PAGE1: variants seen among roughly 807,000 people sequenced by gnomAD.
PAGE1 encodes P antigen family member 1.
Under a neutral mutation model 11.5 loss-of-function variants are expected in PAGE1, and 6 were observed. The observed-to-expected ratio is 0.52, with a 90% confidence interval of 0.29 to 1.03. PAGE1 has a LOEUF of 1.03. Ranked by LOEUF, PAGE1 falls within the 50% of genes least tolerant of loss-of-function variation. The pLI is 0.09. For missense variants in PAGE1, 120 were observed against 110.2 expected (o/e 1.09, Z -0.40); for synonymous variants, 42 against 40.2 (o/e 1.05, Z -0.17).
intron 3 of PAGE1, among the ~76,000 whole-genome samples, chrX:49,692,146 GAA>G (rs201192291): frequency 2.9e-5 from 3 of 102,322 alleles, no homozygotes; most frequent in Admixed American, 2.1e-4. Context: ...GACTCCGTCT[GAA>G]AAAAAAAAAT....
chrX:49,695,500 A>G (rs1557142749), intron 1 of PAGE1, among the ~76,000 whole-genome samples: 3 of 107,943 alleles, frequency 2.8e-5, no homozygotes, highest in Non-Finnish European at 1.9e-5. Flanking sequence ...TTCACCACCC[A>G]CCTCCCGCCT....
chrX:49,690,309 A>G (rs192208553), intron 4 of PAGE1, among the ~76,000 whole-genome samples: 56 of 107,988 alleles, frequency 5.2e-4, no homozygotes, highest in African/African-American at 1.8e-3. Context: ...GAAAACAGGA[A>G]AACAGGGTTT....
chrX:49,691,259 C>A lies in PAGE1; in HGVS notation c.282G>T (p.Leu94=), dbSNP rs782050656. The A allele has an allele frequency of 6.6e-6, 8 of 1,210,018 alleles. No homozygotes were observed. The Middle Eastern group carries it at 1.1e-3, about 174-fold the overall frequency. ...VCLRNEEQMK[L]PAEGPEPEAD... Reference sequence around the variant, plus strand: ...TAATGGACTACCTACCTTCTGCGGGCAGTTTCATCTGCTCTTCATTTCGCA... The same window carrying A: ...TAATGGACTACCTACCTTCTGCGGGAAGTTTCATCTGCTCTTCATTTCGCA... The change falls in exon 4 of 6, where the codon CTG becomes CTT. Residue 94 remains leucine (L), a synonymous_variant. Coordinates refer to ENST00000376150, the MANE Select transcript of PAGE1 (RefSeq NM_003785.4).
At chrX:49,689,926 AGGGTG>A (rs1402613871) in intron 4 of PAGE1, among the ~76,000 whole-genome samples, 1 of 22,304 alleles carries the variant, frequency 4.5e-5, no homozygotes, top group East Asian at 1.7e-3. Flanking sequence ...ACACATATAT[AGGGTG>A]TATATATATG....
At position 49,694,261 on chromosome X, in the gene PAGE1, T is replaced by A. The variant is rs7055887; in HGVS notation, c.64-60A>T. ...GACAAAAAGTTTTGTTATTAATACA[T>A]GTCAAAAAATATATACGTATACACA... On this transcript the variant is annotated intron_variant, in intron 2 of 5. Coordinates refer to ENST00000376150, the MANE Select transcript of PAGE1 (RefSeq NM_003785.4). 4.0e-3 allele frequency: 2,454 copies of A among 606,846 alleles called. 38 individuals carry two copies. In the African/African-American group the frequency reaches 0.049, roughly 12 times the overall value. The allele number at this position is 606,846 out of a possible 1,213,427, so 50.0% of individuals were successfully genotyped here. A position where few individuals can be genotyped will look rare whatever the true frequency, so the allele number is the denominator to read the frequency against.
rs2066897236 is a variant in PAGE1, at chrX:49,689,562, AAAAAAAAAAAAAAAT to A, written c.293-34_293-20del. 1 of 185,461 alleles carries A rather than the reference AAAAAAAAAAAAAAAT, an allele frequency of 5.4e-6. No individual in the cohort carries two copies. The highest frequency in any genetic ancestry group is 7.1e-6 in the Non-Finnish European group (1 of 141,830). 15.3% of individuals were successfully genotyped at this position (185,461 alleles called of 1,213,427 possible). ...TCTGGCCCTTAAAAAAAAAAAAAAA[AAAAAAAAAAAAAAAT>A]ATATATATATATATATATATATATA... is the stretch of plus-strand genomic sequence containing the variant. On this transcript the variant is annotated intron_variant, in intron 4 of 5. Coordinates refer to ENST00000376150, the MANE Select transcript of PAGE1 (RefSeq NM_003785.4).
intron 3 of PAGE1, 130 bp from the exon 4 acceptor site, chrX:49,691,504 A>C: frequency 1.9e-6 from 1 of 514,151 alleles, no homozygotes; most frequent in Non-Finnish European, 2.9e-6. Context: ...GTTGATAAGA[A>C]TCCCAAGAAC....
At chrX:49,695,315 A>G (rs1557142730) in intron 1 of PAGE1, among the ~76,000 whole-genome samples, 1 of 112,148 alleles carries the variant, frequency 8.9e-6, no homozygotes, top group Non-Finnish European at 1.9e-5. Flanking sequence ...TGGTTGGGCC[A>G]CACAGCCTCT....
At chrX:49,692,678 T>C (rs1485990924) in intron 3 of PAGE1, among the ~76,000 whole-genome samples, 2 of 111,452 alleles carry the variant, frequency 1.8e-5, no homozygotes, top group Non-Finnish European at 3.8e-5. Flanking sequence ...TTTACCATGG[T>C]AACTAATTTT....
At chrX:49,691,427 TAAGAAA>T in intron 3 of PAGE1, 53 bp from the exon 4 acceptor site, 1 of 1,003,291 alleles carries the variant, frequency 1.0e-6, no homozygotes, top group South Asian at 2.4e-5. Context: ...GAAATATGAA[TAAGAAA>T]ATAATATTCA....
At chrX:49,693,586 C>G (rs1225318100) in intron 3 of PAGE1, among the ~76,000 whole-genome samples, 2 of 111,490 alleles carry the variant, frequency 1.8e-5, no homozygotes, top group African/African-American at 6.5e-5. Flanking sequence ...CTCCAGCTTT[C>G]AACAAACTTA....
chrX:49,693,110 C>T (rs1178522701), intron 3 of PAGE1, among the ~76,000 whole-genome samples: 1 of 111,685 alleles, frequency 9.0e-6, no homozygotes, highest in Non-Finnish European at 1.9e-5. Flanking sequence ...GATTTGAGGA[C>T]TATGGAAAAT....
intron 5 of PAGE1, among the ~76,000 whole-genome samples, chrX:49,689,030 A>G (rs782345878): frequency 9.0e-6 from 1 of 111,690 alleles, no homozygotes; most frequent in South Asian, 3.8e-4. Context: ...CAGTATTGTT[A>G]CCCCTGTGTT....
intron 1 of PAGE1, among the ~76,000 whole-genome samples, chrX:49,695,241 C>A (rs1052630377): frequency 8.9e-6 from 1 of 112,486 alleles, no homozygotes; most frequent in South Asian, 3.7e-4. Flanking sequence ...ATCACAATTC[C>A]CGTGACTGCT....
chrX:49,692,009 C>T (rs550456642), intron 3 of PAGE1, among the ~76,000 whole-genome samples: 224 of 110,285 alleles, frequency 2.0e-3, no homozygotes, highest in Middle Eastern at 0.014. Context: ...TAGGCAGGTG[C>T]GGTGGCCATT....
rs782179765 is a variant in PAGE1 at position 49,694,066 on chromosome X, C to CA, written c.166+32_166+33insT. On this transcript the variant is annotated intron_variant, in intron 3 of 5. Transcript: ENST00000376150. ...CACACACACACACACACACACACACCCCAACAGGCATTCTTCTTCCCTTTC... is the reference window on the plus strand; with the variant it reads ...CACACACACACACACACACACACACCACCAACAGGCATTCTTCTTCCCTTTC... 2.2e-5 allele frequency: 15 copies of CA among 684,862 alleles called. No individual in the cohort carries two copies. The East Asian group carries it at 6.1e-4, about 28-fold the overall frequency. 56.4% of individuals were successfully genotyped at this position (684,862 alleles called of 1,213,427 possible).
intron 5 of PAGE1, among the ~76,000 whole-genome samples, chrX:49,688,491 G>A (rs1473547603): frequency 2.7e-5 from 3 of 111,092 alleles, no homozygotes; most frequent in South Asian, 3.9e-4. Context: ...CAGAGTGCCC[G>A]CTCCCTTTCT....
At chrX:49,695,495 C>A (rs782441948) in intron 1 of PAGE1, among the ~76,000 whole-genome samples, 2 of 111,558 alleles carry the variant, frequency 1.8e-5, no homozygotes, top group Non-Finnish European at 3.8e-5. Flanking sequence ...CCATCTTCAC[C>A]ACCCACCTCC....
At chrX:49,689,384 AC>A in intron 5 of PAGE1, 33 bp downstream of exon 5, 5 of 1,020,100 alleles carry the variant, frequency 4.9e-6, no homozygotes, top group Non-Finnish European at 5.1e-6. Flanking sequence ...GGAAACAGAC[AC>A]CCTACAATTT....
Sources: allele counts gnomAD v4.1 joint callset (sites outside exome capture counted in the v4.1 genomes callset), GRCh38; gene constraint gnomAD v4.1.1; transcripts MANE v1.5; gene names NCBI Gene and HGNC (gene_info 2026-07-23, HGNC 2026-07-21).